ELAVL4: variants seen among roughly 807,000 people sequenced by gnomAD.
ELAVL4 encodes ELAV-like protein 4.
In ELAVL4, 1 loss-of-function variant was observed where a neutral mutation model predicts 35.6. That is an observed-to-expected ratio of 0.03 (90% CI 0.01 to 0.13). The LOEUF (loss-of-function observed/expected upper bound fraction) is 0.13. Among genes scored for constraint, ELAVL4 ranks in the 10% least tolerant of loss-of-function variants. The probability of loss-of-function intolerance (pLI) is 1.00; values close to 1 mark genes in which losing one functional copy is unlikely to be tolerated. For synonymous variants in ELAVL4, 156 were observed against 171.0 expected, an observed-to-expected ratio of 0.91 and a Z score of 0.69; for missense variants, 267 against 464.9, an observed-to-expected ratio of 0.57 and a Z score of 3.91.
chr1:50,153,297 G>T (rs1675122318), intron 2 of ELAVL4, among the ~76,000 whole-genome samples: 1 of 152,206 alleles, frequency 6.6e-6, no homozygotes, highest in Non-Finnish European at 1.5e-5. Context: ...GAGGTTTGAT[G>T]GAATGCCTAC....
chr1:50,061,125 T>G (rs960512878), intron 1 of ELAVL4, among the ~76,000 whole-genome samples: 13 of 152,218 alleles, frequency 8.5e-5, no homozygotes, highest in Non-Finnish European at 1.8e-4. Context: ...GTAAGGTCCT[T>G]ATGATGCTCT....
At chr1:50,129,735 CTTTTCTATTTCAGAAA>C (rs1254449648) in intron 1 of ELAVL4, among the ~76,000 whole-genome samples, 3 of 152,074 alleles carry the variant, frequency 2.0e-5, no homozygotes, top group Admixed American at 6.6e-5. Flanking sequence ...TTTAAGTATA[CTTTTCTATTTCAGAAA>C]TTAAATTCCA....
intron 1 of ELAVL4, among the ~76,000 whole-genome samples, chr1:50,052,858 G>A (rs1663459155): frequency 6.6e-6 from 1 of 152,148 alleles, no homozygotes; most frequent in Admixed American, 6.5e-5. Context: ...CTAAACTTAT[G>A]TTGTGCAAAA....
intron 1 of ELAVL4, among the ~76,000 whole-genome samples, chr1:50,134,735 A>G (rs189661052): frequency 1.3e-5 from 2 of 152,272 alleles, no homozygotes; most frequent in African/African-American, 2.4e-5. Flanking sequence ...TGGGGGATGA[A>G]GGAAACGTTC....
chr1:50,168,799 T>C (rs1224644960), intron 2 of ELAVL4, among the ~76,000 whole-genome samples: 2 of 151,814 alleles, frequency 1.3e-5, no homozygotes, highest in Non-Finnish European at 2.9e-5. Context: ...CATTTTGGGG[T>C]CTAATCATAT....
chr1:50,083,883 A>T (rs574528194), intron 1 of ELAVL4, among the ~76,000 whole-genome samples: 2 of 152,140 alleles, frequency 1.3e-5, no homozygotes, highest in Non-Finnish European at 2.9e-5. Context: ...GTCAATAACT[A>T]CTTGTTTGGT....
intron 1 of ELAVL4, among the ~76,000 whole-genome samples, chr1:50,056,945 G>T (rs1324900406): frequency 7.1e-6 from 1 of 140,808 alleles, no homozygotes; most frequent in Admixed American, 7.1e-5. Flanking sequence ...AAAAAAAAAA[G>T]CACACCTACT....
chr1:50,062,868 C>A (rs761037500), intron 1 of ELAVL4, among the ~76,000 whole-genome samples: 1 of 152,092 alleles, frequency 6.6e-6, no homozygotes, highest in Non-Finnish European at 1.5e-5. Context: ...GAGTTTTTAT[C>A]CATTAATCCA....
At chr1:50,120,373 A>G (rs1668822425) in intron 1 of ELAVL4, among the ~76,000 whole-genome samples, 1 of 152,018 alleles carries the variant, frequency 6.6e-6, no homozygotes, top group Non-Finnish European at 1.5e-5. Flanking sequence ...AGAGATGGGA[A>G]CTTACAAGGC....
chr1:50,109,316 C>A, intron 1 of ELAVL4, 118 bp downstream of exon 1: 1 of 1,032,702 alleles, frequency 9.7e-7, no homozygotes, highest in East Asian at 2.5e-5. Context: ...TGTTTGGTTC[C>A]TACATTTACT....
chr1:50,189,219 G>A (rs1682293169), intron 3 of ELAVL4, among the ~76,000 whole-genome samples: 1 of 152,212 alleles, frequency 6.6e-6, no homozygotes. Flanking sequence ...GACAAGGAGT[G>A]AGGTATTGCT....
chr1:50,110,085 T>A (rs1666804941), intron 1 of ELAVL4: 3 of 1,306,188 alleles, frequency 2.3e-6, no homozygotes, highest in Non-Finnish European at 3.2e-6. Flanking sequence ...ACTGTGCTGA[T>A]CGTTTGTGTG....
chr1:50,067,831 C>T (rs1349588899), intron 1 of ELAVL4, among the ~76,000 whole-genome samples: 1 of 152,174 alleles, frequency 6.6e-6, no homozygotes, highest in Non-Finnish European at 1.5e-5. Context: ...GAAGGCGAAG[C>T]ACACATGTCC....
intron 1 of ELAVL4, among the ~76,000 whole-genome samples, chr1:50,054,105 T>C (rs1199395144): frequency 2.0e-5 from 3 of 152,212 alleles, no homozygotes; most frequent in African/African-American, 7.2e-5. Context: ...AATTGAGTTA[T>C]AAGTTTTATA....
At chr1:50,121,966 A>G (rs1416095318) in intron 1 of ELAVL4, among the ~76,000 whole-genome samples, 1 of 152,090 alleles carries the variant, frequency 6.6e-6, no homozygotes, top group Non-Finnish European at 1.5e-5. Flanking sequence ...ATTAGTTTTC[A>G]TTTCTTGAGC....
chr1:50,093,878 T>C (rs940631836), intron 1 of ELAVL4, among the ~76,000 whole-genome samples: 6 of 152,252 alleles, frequency 3.9e-5, no homozygotes, highest in African/African-American at 1.4e-4. Context: ...ATTTGTTGAA[T>C]GATTATAATG....
chr1:50,169,157 G>T (rs867069545), intron 2 of ELAVL4, among the ~76,000 whole-genome samples: 1 of 152,016 alleles, frequency 6.6e-6, no homozygotes, highest in Admixed American at 6.6e-5. Context: ...GGAAAAAGAT[G>T]CTGGATCTCT....
At chr1:50,132,854 A>G (rs1671094723) in intron 1 of ELAVL4, among the ~76,000 whole-genome samples, 1 of 152,190 alleles carries the variant, frequency 6.6e-6, no homozygotes, top group African/African-American at 2.4e-5. Context: ...AGAGTTGACA[A>G]ATAAAGATGG....
chr1:50,054,228 A>G (rs1421612097), intron 1 of ELAVL4, among the ~76,000 whole-genome samples: 9 of 152,244 alleles, frequency 5.9e-5, no homozygotes, highest in Non-Finnish European at 1.3e-4. Context: ...TGTGCTTATA[A>G]GAACTGGTTC....
Sources: allele counts gnomAD v4.1 joint callset (sites outside exome capture counted in the v4.1 genomes callset), GRCh38; gene constraint gnomAD v4.1.1; transcripts MANE v1.5; gene names NCBI Gene and HGNC (gene_info 2026-07-23, HGNC 2026-07-21).